EXOC2: variants seen among roughly 807,000 people sequenced by gnomAD.
The protein encoded by EXOC2 is SEC5-like 1.
A neutral mutation model predicts 131.8 loss-of-function variants in EXOC2; 70 were observed. The observed-to-expected ratio is 0.53, with a 90% CI of 0.44 to 0.65. The LOEUF (loss-of-function observed/expected upper bound fraction) is 0.65, where lower values mean the gene tolerates loss of function less well. Ranked by LOEUF, EXOC2 falls within the 30% of genes least tolerant of loss-of-function variation. The probability of loss-of-function intolerance (pLI) is 0.00; values close to 1 mark genes in which losing one functional copy is unlikely to be tolerated. For synonymous variants in EXOC2, 411 were observed against 398.4 expected (o/e 1.03, Z -0.38); for missense variants, 923 against 1,108.6 (o/e 0.83, Z 2.38).
chr6:631,672 CATAAG>C (rs368839141), intron 3 of EXOC2, among the ~76,000 whole-genome samples: 27 of 151,998 alleles, frequency 1.8e-4, no homozygotes, highest in African/African-American at 6.3e-4. Context: ...ATAAATAGAT[CATAAG>C]ATATTAGATT....
At position 617,750 on chromosome 6, in the gene EXOC2, C is replaced by A; in HGVS notation, c.622G>T (p.Gly208Cys). ...SEGSLAYVKG[G>C]LSTFFEAQDA... ...TGTGCTTCGAAGAATGTACTGAGAC[C>A]GCCTTTCACATAGGCCAGGCTGCCC... The change falls in exon 6 of 28, where the codon GGT becomes TGT. Residue 208 changes from glycine (G) to cysteine (C), a missense_variant. By Grantham distance (159) the Gly-to-Cys change is radical. Transcript: ENST00000230449. 1 of 1,613,396 alleles carries A rather than the reference C, an allele frequency of 6.2e-7. No homozygotes were observed. Among genetic ancestry groups the A allele is most frequent in the Non-Finnish European group, 8.5e-7 (1 of 1,179,674 alleles).
intron 1 of EXOC2, among the ~76,000 whole-genome samples, chr6:661,622 G>T (rs1451175065): frequency 6.6e-6 from 1 of 152,072 alleles, no homozygotes; most frequent in African/African-American, 2.4e-5. Context: ...ACCACTACAA[G>T]AACTGCTAAA....
chr6:599,241 G>T lies in EXOC2; in HGVS notation c.743-16C>A. On this transcript the variant is annotated splice_polypyrimidine_tract_variant and intron_variant, in intron 7 of 27. Transcript: ENST00000230449. ...TTACTTGCTCCTGTTTTAAAAAGAG[G>T]AAAGGAAACTTAGATGAAAGCTGAT... 1 of 1,521,846 alleles carries T rather than the reference G, an allele frequency of 6.6e-7. No individual in the cohort carries two copies. Among genetic ancestry groups the T allele is most frequent in the East Asian group, 2.3e-5 (1 of 42,996 alleles). 94.3% of individuals were successfully genotyped at this position (1,521,846 alleles called of 1,614,324 possible).
At chr6:661,535 G>T (rs1763424222) in intron 1 of EXOC2, among the ~76,000 whole-genome samples, 1 of 152,098 alleles carries the variant, frequency 6.6e-6, no homozygotes, top group Non-Finnish European at 1.5e-5. Context: ...TGTATCCATT[G>T]AACCTATGCA....
At chr6:654,190 C>T (rs531281645) in intron 1 of EXOC2, among the ~76,000 whole-genome samples, 2 of 152,282 alleles carry the variant, frequency 1.3e-5, no homozygotes, top group African/African-American at 4.8e-5. Context: ...AATATCCATT[C>T]CGCAGTTCAT....
At chr6:667,914 C>CATCT (rs1763689220) in intron 1 of EXOC2, among the ~76,000 whole-genome samples, 1 of 149,218 alleles carries the variant, frequency 6.7e-6, no homozygotes, top group East Asian at 1.9e-4. Flanking sequence ...TCCATCCATC[C>CATCT]GTCCATATCC....
At chr6:489,271 G>A (rs747551332) in intron 26 of EXOC2, among the ~76,000 whole-genome samples, 58 of 152,178 alleles carry the variant, frequency 3.8e-4, no homozygotes, top group African/African-American at 1.4e-3. Flanking sequence ...GAAATGAAAC[G>A]CTACTTGAAA....
intron 22 of EXOC2, among the ~76,000 whole-genome samples, chr6:540,103 G>A (rs376154397): frequency 2.0e-5 from 3 of 152,218 alleles, no homozygotes; most frequent in South Asian, 2.1e-4. Flanking sequence ...CCACACATGC[G>A]CACACCATGC....
intron 3 of EXOC2, among the ~76,000 whole-genome samples, chr6:631,554 G>GA (rs925262252): frequency 9.7e-4 from 135 of 139,288 alleles, no homozygotes; most frequent in African/African-American, 1.9e-3. Flanking sequence ...AAAACAAAAA[G>GA]AAAAAAAAAA....
chr6:690,508 GA>G (rs1764871503), intron 1 of EXOC2, among the ~76,000 whole-genome samples: 1 of 152,052 alleles, frequency 6.6e-6, no homozygotes, highest in Non-Finnish European at 1.5e-5. Context: ...CCACCGTCAC[GA>G]GGATCGCGAC....
intron 3 of EXOC2, among the ~76,000 whole-genome samples, chr6:630,211 G>C (rs1298485402): frequency 2.6e-5 from 4 of 152,144 alleles, no homozygotes; most frequent in Non-Finnish European, 5.9e-5. Context: ...TTACTCAACA[G>C]AGAAGACAAA....
intron 1 of EXOC2, among the ~76,000 whole-genome samples, chr6:690,761 T>C (rs1764887293): frequency 6.6e-6 from 1 of 152,248 alleles, no homozygotes; most frequent in African/African-American, 2.4e-5. Flanking sequence ...TGTGTATTCA[T>C]ATCAATAATA....
At chr6:516,362 C>T (rs969466106) in intron 23 of EXOC2, among the ~76,000 whole-genome samples, 4 of 152,178 alleles carry the variant, frequency 2.6e-5, no homozygotes, top group East Asian at 1.9e-4. Context: ...CTGCAGCGCT[C>T]GTTGTCAGCT....
chr6:585,655 T>C (rs899342084), intron 11 of EXOC2, among the ~76,000 whole-genome samples: 5 of 152,182 alleles, frequency 3.3e-5, no homozygotes, highest in Non-Finnish European at 5.9e-5. Context: ...AACATTTTTT[T>C]CCCAAACCAC....
At chr6:583,660 T>C (rs181703179) in intron 11 of EXOC2, among the ~76,000 whole-genome samples, 1 of 152,358 alleles carries the variant, frequency 6.6e-6, no homozygotes, top group Admixed American at 6.5e-5. Context: ...ACTTTCTCAC[T>C]GTGTGCACAT....
intron 1 of EXOC2, among the ~76,000 whole-genome samples, chr6:670,952 C>T (rs1763834554): frequency 6.7e-6 from 1 of 149,928 alleles, no homozygotes; most frequent in African/African-American, 2.5e-5. Context: ...CAGTGGTGCA[C>T]ACCTGTAGTC....
intron 23 of EXOC2, among the ~76,000 whole-genome samples, chr6:504,563 A>G (rs1448551971): frequency 1.3e-5 from 2 of 152,172 alleles, no homozygotes; most frequent in African/African-American, 4.8e-5. Flanking sequence ...TTAGTGCTTG[A>G]TAATTCCTTT....
rs1237996362 is a variant in EXOC2 at position 506,621 on chromosome 6, G to A, written c.2381-6921C>T. On this transcript the variant is annotated intron_variant, in intron 23 of 27. Coordinates refer to ENST00000230449, the MANE Select transcript of EXOC2 (RefSeq NM_018303.6). This position sits in a 1 kb window ranked among gnomAD's most constrained non-coding sequence, Gnocchi z 4.4. The stretch of plus-strand genomic sequence containing the variant: ...CACTGTCTGAATATGAAATTAGAAT[G>A]TGTCATGATATTTGACAAAAAGTGT... 6.6e-6 allele frequency among the ~76,000 whole-genome samples: 1 copy of A among 151,966 alleles called. No homozygotes were observed. The highest frequency in any genetic ancestry group is 1.5e-5 in the Non-Finnish European group (1 of 68,002).
intron 1 of EXOC2, among the ~76,000 whole-genome samples, chr6:664,541 C>CT (rs1763554528): frequency 6.6e-6 from 1 of 152,188 alleles, no homozygotes; most frequent in South Asian, 2.1e-4. Flanking sequence ...TCAAACTATA[C>CT]TATAAGGCCA....
Sources: gnomAD v4.1 joint callset for allele counts (sites outside exome capture counted in the v4.1 genomes callset) on GRCh38, gnomAD v4.1.1 for gene constraint, Gnocchi (gnomAD v3.1) non-coding constraint, MANE v1.5 for transcripts, NCBI Gene and HGNC (gene_info 2026-07-23, HGNC 2026-07-21) for gene names.